The following PAK6 variants were observed in gnomAD, a reference collection of about 807,000 sequenced individuals.
PAK6 encodes the protein serine/threonine-protein kinase PAK 6.
In PAK6, 33 loss-of-function variants were observed where a neutral mutation model predicts 60.8. The ratio of observed to expected loss-of-function variants is 0.54; its 90% CI spans 0.41 to 0.73. The LOEUF (loss-of-function observed/expected upper bound fraction) is 0.73, where lower values mean the gene tolerates loss of function less well. Among genes scored for constraint, PAK6 ranks in the 30% least tolerant of loss-of-function variants. PAK6 has a pLI of 0.00. For synonymous variants in PAK6, 404 were observed against 378.5 expected (o/e 1.07, Z -0.78); for missense variants, 845 against 904.1 (o/e 0.93, Z 0.84).
intron 3 of PAK6, among the ~76,000 whole-genome samples, chr15:40,264,226 A>T (rs1459857165): frequency 6.6e-6 from 1 of 152,046 alleles, no homozygotes; most frequent in Non-Finnish European, 1.5e-5. Flanking sequence ...GTTGTAATAA[A>T]AAAAAAAAGC....
intron 10 of PAK6, among the ~76,000 whole-genome samples, chr15:40,274,757 C>T (rs1384764345): frequency 6.6e-6 from 1 of 152,246 alleles, no homozygotes; most frequent in Non-Finnish European, 1.5e-5. Context: ...ACAGCGTTCC[C>T]CTTAAAGCCA....
At chr15:40,241,148 G>A (rs1415701281) in intron 2 of PAK6, among the ~76,000 whole-genome samples, 2 of 152,206 alleles carry the variant, frequency 1.3e-5, no homozygotes, top group Non-Finnish European at 2.9e-5. Flanking sequence ...GCCTGGCCAA[G>A]CACGGTCACT....
exon 10 of PAK6, chr15:40,274,217 G>A: frequency 6.2e-7 from 1 of 1,613,720 alleles, no homozygotes; most frequent in Non-Finnish European, 8.5e-7. Flanking sequence ...TGACTCCCCA[G>A]TGCAAGCCAT....
chr15:40,262,995 T>A (rs1272484974), intron 3 of PAK6, among the ~76,000 whole-genome samples: 1 of 152,142 alleles, frequency 6.6e-6, no homozygotes, highest in African/African-American at 2.4e-5. Flanking sequence ...CTAGGGGGTG[T>A]TCGGTGGATC....
chr15:40,267,585 G>A (rs1431057605), intron 5 of PAK6, among the ~76,000 whole-genome samples: 1 of 152,220 alleles, frequency 6.6e-6, no homozygotes, highest in Non-Finnish European at 1.5e-5. Context: ...CGTGAACCCG[G>A]GAGGCAGAGC....
exon 10 of PAK6, chr15:40,274,255 C>G: frequency 3.1e-6 from 5 of 1,609,016 alleles, no homozygotes; most frequent in Non-Finnish European, 4.2e-6. Flanking sequence ...GCCCCCCACC[C>G]AAGCTGAAAA....
At chr15:40,274,392 G>A in intron 10 of PAK6, 116 bp downstream of exon 10, 2 of 1,139,886 alleles carry the variant, frequency 1.8e-6, no homozygotes, top group South Asian at 1.6e-5. Flanking sequence ...CTGGGCTCCT[G>A]GAAAAGGCTC....
At chr15:40,264,564 C>T in intron 3 of PAK6, 2 of 632,410 alleles carry the variant, frequency 3.2e-6, no homozygotes, top group Non-Finnish European at 5.7e-6. Flanking sequence ...TTATAGTCTG[C>T]ACTGGCTTAT....
intron 5 of PAK6, among the ~76,000 whole-genome samples, chr15:40,270,549 G>A (rs1168819876): frequency 6.6e-6 from 1 of 152,222 alleles, no homozygotes; most frequent in African/African-American, 2.4e-5. Flanking sequence ...GCCCAGGGCT[G>A]GGCCCCAGGT....
chr15:40,264,052 G>A, intron 3 of PAK6: 1 of 417,782 alleles, frequency 2.4e-6, no homozygotes, highest in South Asian at 1.7e-5. Context: ...TCTTGGCTCA[G>A]GGCCTTTCTG....
intron 2 of PAK6, chr15:40,252,727 G>A (rs1356439456): frequency 7.7e-7 from 1 of 1,303,278 alleles, no homozygotes; most frequent in East Asian, 5.5e-5. Flanking sequence ...TTCGCGGCGA[G>A]AGGACGGGCC....
intron 3 of PAK6, chr15:40,259,399 C>G (rs563104264): frequency 2.0e-5 from 3 of 152,220 alleles, no homozygotes; most frequent in Non-Finnish European, 4.4e-5. Flanking sequence ...GTGATTCACT[C>G]GCGATGACTG....
exon 5 of PAK6, chr15:40,266,149 A>G (rs752901337): frequency 5.0e-6 from 8 of 1,609,220 alleles, no homozygotes; most frequent in African/African-American, 1.3e-5. Context: ...GTCCTGCCCA[A>G]TGGGCTGGCT....
intron 3 of PAK6, chr15:40,260,198 G>A (rs1198038752): frequency 6.6e-6 from 1 of 152,056 alleles, no homozygotes; most frequent in Non-Finnish European, 1.5e-5. Flanking sequence ...CAGGCTACGG[G>A]TACCCGCCGT....
chr15:40,248,733 G>C (rs77390121), intron 2 of PAK6, among the ~76,000 whole-genome samples: 25,566 of 151,668 alleles, frequency 0.17, 2,518 homozygotes, highest in East Asian at 0.42. Flanking sequence ...CCTCCTACCC[G>C]CACCCCAGCC....
chr15:40,256,400 G>C (rs971337571), intron 3 of PAK6, among the ~76,000 whole-genome samples: 7 of 152,208 alleles, frequency 4.6e-5, no homozygotes, highest in African/African-American at 1.7e-4. Flanking sequence ...AGTTCCCAAA[G>C]GGGGTTACAA....
At chr15:40,241,759 G>T (rs1361215482) in intron 2 of PAK6, among the ~76,000 whole-genome samples, 1 of 152,210 alleles carries the variant, frequency 6.6e-6, no homozygotes, top group Non-Finnish European at 1.5e-5. Context: ...GACACAGGGA[G>T]GGTGCAGTGG....
exon 11 of PAK6, chr15:40,276,447 G>A (rs895487700): frequency 1.4e-5 from 3 of 221,790 alleles, no homozygotes; most frequent in African/African-American, 2.3e-5. Context: ...TAGTGTCCTA[G>A]GCCACTGCAG....
chr15:40,253,349 A>G, intron 3 of PAK6, 60 bp downstream of exon 3: 1 of 445,328 alleles, frequency 2.2e-6, no homozygotes, highest in Non-Finnish European at 4.5e-6. Context: ...AAGAGCAGGC[A>G]GGGAGGGACA....
Sources: allele counts gnomAD v4.1 joint callset (sites outside exome capture counted in the v4.1 genomes callset), GRCh38; gene constraint gnomAD v4.1.1; transcripts MANE v1.5; gene names NCBI Gene and HGNC (gene_info 2026-07-23, HGNC 2026-07-21).